LMNA: variants seen among roughly 807,000 people sequenced by gnomAD.
LMNA encodes lamin.
LMNA carries 20 observed loss-of-function variants against 70.4 expected under a neutral mutation model. That is an observed-to-expected ratio of 0.28 (90% CI 0.20 to 0.41). The LOEUF (loss-of-function observed/expected upper bound fraction) is 0.41. Among genes scored for constraint, LMNA ranks in the 10% least tolerant of loss-of-function variants. LMNA has a pLI of 1.00. For synonymous variants in LMNA, 339 were observed against 372.8 expected (o/e 0.91, Z 1.04); for missense variants, 652 against 917.2 (o/e 0.71, Z 3.73).
chr1:156,127,023 ACCCTGTCCT>A lies in LMNA; in HGVS notation c.357-3588_357-3580del, dbSNP rs113124909. On this transcript the variant is annotated intron_variant, in intron 1 of 11. Transcript: ENST00000368300. ...CTTCCCAGCTCCTCTGGCCTGCCCC[ACCCTGTCCT>A]CCCTGCCAACCCAGCACGGGGACGG... 0.05 allele frequency: 57,629 copies of A among 1,143,728 alleles called. 2,282 individuals are homozygous for A. The highest frequency in any genetic ancestry group is 0.17 in the African/African-American group (11,100 of 63,440). The allele number at this position is 1,143,728 out of a possible 1,614,324, so 70.8% of individuals were successfully genotyped here.
upstream of LMNA, among the ~76,000 whole-genome samples, chr1:156,113,812 A>G (rs1328289307): frequency 5.9e-5 from 9 of 152,206 alleles, no homozygotes; most frequent in Admixed American, 4.6e-4. Context: ...ATCCATTAAA[A>G]TAAGTACAGT....
At chr1:156,129,224 G>A (rs776366306) in intron 1 of LMNA, among the ~76,000 whole-genome samples, 23 of 152,222 alleles carry the variant, frequency 1.5e-4, no homozygotes, top group Admixed American at 7.8e-4. Flanking sequence ...CAGGCTGGGG[G>A]AGCTTCCTCT....
chr1:156,089,601 A>AAAGAAAG (rs151031694), intron 2 of LMNA, among the ~76,000 whole-genome samples: 7 of 145,514 alleles, frequency 4.8e-5, no homozygotes, highest in African/African-American at 1.5e-4. Context: ...CTAAAAAAAA[A>AAAGAAAG]AAAGAAAGAA....
intron 1 of LMNA, among the ~76,000 whole-genome samples, chr1:156,127,459 G>T (rs1650681945): frequency 6.7e-6 from 1 of 149,082 alleles, no homozygotes; most frequent in Admixed American, 6.7e-5. Flanking sequence ...TCCTCTCTTT[G>T]CAGTGCTAGT....
In LMNA at chr1:156,134,206, A is replaced by C. The variant is rs569025; in HGVS notation, c.514-197A>C. ...GGCTACTTTTTTGTATTAGATATAT[A>C]TTTTCTCTCTTAGCACAGTACCTAC... On this transcript the variant is annotated intron_variant, in intron 2 of 11. Transcript: ENST00000368300. The surrounding 1 kb of genome is among the most constrained non-coding windows in gnomAD (Gnocchi z 5.3). Among the ~76,000 whole-genome samples, 34,924 of 151,926 alleles carry C rather than the reference A, an allele frequency of 0.23. 8,715 individuals carry two copies. The highest frequency in any genetic ancestry group is 0.63 in the African/African-American group (26,071 of 41,426).
chr1:156,114,806 G>C lies in LMNA; in HGVS notation c.-113G>C, dbSNP rs913335917. Reference sequence around the variant, plus strand: ...TCCCCACGCCTGCCAGGAGCAAGCCGAGAGCCAGCCGGCCGGCGCACTCCG... The same window carrying C: ...TCCCCACGCCTGCCAGGAGCAAGCCCAGAGCCAGCCGGCCGGCGCACTCCG... On this transcript the variant is annotated 5_prime_UTR_variant, in exon 1 of 12. Transcript: ENST00000368300. The C allele has an allele frequency of 2.7e-6, 2 of 740,606 alleles. No homozygotes were observed. The highest frequency in any genetic ancestry group is 4.2e-6 in the Non-Finnish European group (2 of 473,300). The allele number at this position is 740,606 out of a possible 1,614,324, so 45.9% of individuals were successfully genotyped here.
chr1:156,137,956 G>A lies in LMNA; in HGVS notation c.1698+213G>A. 1 of 993,830 alleles carries A rather than the reference G, an allele frequency of 1.0e-6. No individual in the cohort carries two copies. Among genetic ancestry groups the A allele is most frequent in the Non-Finnish European group, 1.4e-6 (1 of 694,280 alleles). 61.6% of individuals were successfully genotyped at this position (993,830 alleles called of 1,614,324 possible). A position where few individuals can be genotyped will look rare whatever the true frequency, so the allele number is the denominator to read the frequency against. ...GTGCCCTACTCTGGTAAGGAAGGGA[G>A]TGGGAACTTTCTGATGCCATGGAAT... On this transcript the variant is annotated intron_variant, in intron 10 of 11. Transcript: ENST00000368300. The surrounding 1 kb of genome is among the most constrained non-coding windows in gnomAD (Gnocchi z 4.6).
At chr1:156,108,241 C>T (rs1000679005) in intron 3 of LMNA, among the ~76,000 whole-genome samples, 1 of 152,184 alleles carries the variant, frequency 6.6e-6, no homozygotes, top group Non-Finnish European at 1.5e-5. Context: ...ATCACCTGCA[C>T]ATGAGTGACT....
chr1:156,125,904 C>T (rs1650531399), intron 1 of LMNA, among the ~76,000 whole-genome samples: 1 of 151,506 alleles, frequency 6.6e-6, no homozygotes, highest in East Asian at 1.9e-4. Context: ...GCAGGAGAAT[C>T]ACTTGAACCT....
intron 3 of LMNA, among the ~76,000 whole-genome samples, chr1:156,091,492 C>T (rs891988834): frequency 6.6e-6 from 1 of 152,038 alleles, no homozygotes; most frequent in Admixed American, 6.6e-5. Flanking sequence ...ATCCCAGCTA[C>T]TCAGGAGGCT....
chr1:156,093,682 T>A (rs147598652), intron 3 of LMNA: 6 of 152,354 alleles, frequency 3.9e-5, no homozygotes, highest in Non-Finnish European at 8.8e-5. Context: ...CTATTGTAAC[T>A]GTATGTTTAC....
intron 1 of LMNA, among the ~76,000 whole-genome samples, chr1:156,116,880 G>C (rs974254480): frequency 4.0e-5 from 6 of 151,638 alleles, no homozygotes; most frequent in Admixed American, 1.3e-4. Flanking sequence ...CCTTCTTTCT[G>C]AAGAGTCAAT....
chr1:156,083,919 T>A (rs146973234), intron 2 of LMNA, among the ~76,000 whole-genome samples: 13 of 152,358 alleles, frequency 8.5e-5, no homozygotes, highest in Non-Finnish European at 1.9e-4. Flanking sequence ...AGGTGGAGTG[T>A]AATGCAATTT....
chr1:156,128,947 A>AT (rs2102859600), intron 1 of LMNA, among the ~76,000 whole-genome samples: 1 of 151,896 alleles, frequency 6.6e-6, no homozygotes, highest in African/African-American at 2.4e-5. Context: ...GTTTTTCTTC[A>AT]TTTTCCCTCC....
chr1:156,138,432 C>T lies in LMNA; in HGVS notation c.1699-56C>T. On this transcript the variant is annotated intron_variant, in intron 10 of 11. Transcript: ENST00000368300. This position sits in a 1 kb window ranked among gnomAD's most constrained non-coding sequence, Gnocchi z 5.5. ...TGCAGGAGCCTGGAGCCTGGTTGGG[C>T]CTGAGTGGTCAGTCCCAGACTCGCC... The T allele has an allele frequency of 6.4e-7, 1 of 1,573,440 alleles. No individual in the cohort carries two copies. Among genetic ancestry groups the T allele is most frequent in the Admixed American group, 1.7e-5 (1 of 57,606 alleles).
chr1:156,096,428 A>T (rs1018832616), intron 3 of LMNA, among the ~76,000 whole-genome samples: 9 of 152,270 alleles, frequency 5.9e-5, no homozygotes, highest in African/African-American at 2.2e-4. Flanking sequence ...GAGGCATGTA[A>T]AGTACTGACA....
chr1:156,135,331 CCT>C lies in LMNA; in HGVS notation c.936+25_936+26del. ...GAAGCAGGTGATACCCCACCTCACCCCTCTCTCCAGGGGCCTAGAGTCTGGGC... is the reference window on the plus strand; with the variant it reads ...GAAGCAGGTGATACCCCACCTCACCCCTCTCCAGGGGCCTAGAGTCTGGGC... On this transcript the variant is annotated intron_variant, in intron 5 of 11. Coordinates refer to ENST00000368300, the MANE Select transcript of LMNA (RefSeq NM_170707.4). The surrounding 1 kb of genome is among the most constrained non-coding windows in gnomAD (Gnocchi z 4.8). 1 of 1,611,530 alleles carries C rather than the reference CCT, an allele frequency of 6.2e-7. No homozygotes were observed. Among genetic ancestry groups the C allele is most frequent in the South Asian group, 1.1e-5 (1 of 90,654 alleles).
chr1:156,139,093 G>A lies in LMNA; in HGVS notation c.1982G>A (p.Cys661Tyr). The change falls in exon 12 of 12, where the codon TGC becomes TAC. Residue 661 changes from cysteine (C) to tyrosine (Y), a missense_variant. Cys to Tyr is a radical substitution (Grantham distance 194, BLOSUM62 -2). Around this residue, in one of 4 missense-constraint regions of LMNA, gnomAD observed 327 missense variants for 387.6 expected, o/e 0.84. Transcript: ENST00000368300. ...TTTCTCTCTTAGAGCCCCCAGAACTGCAGCATCATGTAATCTGGGACCTGC... is the reference window on the plus strand; with the variant it reads ...TTTCTCTCTTAGAGCCCCCAGAACTACAGCATCATGTAATCTGGGACCTGC... ...SSPRTQSPQN[C>Y]SIM 6.2e-7 allele frequency: 1 copy of A among 1,613,842 alleles called. No individual in the cohort carries two copies. The highest frequency in any genetic ancestry group is 1.3e-5 in the African/African-American group (1 of 74,968).
intron 1 of LMNA, among the ~76,000 whole-genome samples, chr1:156,124,319 C>T (rs970621841): frequency 2.0e-5 from 3 of 152,070 alleles, no homozygotes; most frequent in Non-Finnish European, 4.4e-5. Flanking sequence ...GATGGAGTCT[C>T]GCTCTGTTGC....
Sources: allele counts gnomAD v4.1 joint callset (sites outside exome capture counted in the v4.1 genomes callset), GRCh38; gene constraint gnomAD v4.1.1; regional missense constraint gnomAD v4.1.1; non-coding constraint Gnocchi (gnomAD v3.1); transcripts MANE v1.5; gene names NCBI Gene and HGNC (gene_info 2026-07-23, HGNC 2026-07-21).